The following GALK2 variants were observed in gnomAD, a reference collection of about 807,000 sequenced individuals.
GALK2 encodes N-acetylgalactosamine kinase.
GALK2 carries 36 observed loss-of-function variants against 52.4 expected under a neutral mutation model. That is an observed-to-expected ratio of 0.69 (90% CI 0.53 to 0.91). The LOEUF is 0.91. Ranked by LOEUF, GALK2 falls within the 40% of genes least tolerant of loss-of-function variation. The pLI, the probability that GALK2 is intolerant of heterozygous loss-of-function variation, is 0.00. For synonymous variants in GALK2, 176 were observed against 199.1 expected (o/e 0.88, Z 0.98); for missense variants, 579 against 559.1 (o/e 1.04, Z -0.36).
chr15:49,264,362 C>T (rs866411039), intron 5 of GALK2, among the ~76,000 whole-genome samples: 1 of 152,160 alleles, frequency 6.6e-6, no homozygotes, highest in Non-Finnish European at 1.5e-5. Context: ...TTGATCGCAT[C>T]GGCTCCTGAG....
intron 4 of GALK2, 149 bp downstream of exon 4, chr15:49,236,090 G>A: frequency 1.6e-6 from 1 of 623,540 alleles, no homozygotes; most frequent in Middle Eastern, 4.4e-4. Context: ...CAGAGAGTGG[G>A]GAAGATATGA....
Position 49,319,699 on chromosome 15 carries a change from A to G in GALK2, c.1063A>G (p.Asn355Asp). ...FKKICEEAPE[N>D]MVQLLGELMN... is the part of the protein sequence containing the mutation. The stretch of plus-strand genomic sequence containing the variant: ...GAAGATATGTGAAGAAGCACCTGAA[A>G]ACATGGTCCAGCTGCTGGGAGAGTT... The change falls in exon 9 of 10, where the codon AAC becomes GAC. Residue 355 changes from asparagine (N) to aspartate (D), a missense_variant. Asn to Asp is a conservative substitution (Grantham distance 23). Transcript: ENST00000560031. 2 of 1,614,134 alleles carry G rather than the reference A, an allele frequency of 1.2e-6. No individual in the cohort carries two copies. Among genetic ancestry groups the G allele is most frequent in the Non-Finnish European group, 1.7e-6 (2 of 1,180,012 alleles).
Position 49,246,254 on chromosome 15 carries a change from T to A in GALK2, c.504+6887T>A, listed in dbSNP as rs983296225. ...CCAAGAAGAAAGGACCAAGTGCCTC[T>A]TAGGAATCTTAGAATAGAAATAGCT... On this transcript the variant is annotated intron_variant, in intron 5 of 9. Coordinates refer to ENST00000560031, the MANE Select transcript of GALK2 (RefSeq NM_002044.4). 1.0e-3 allele frequency among the ~76,000 whole-genome samples: 155 copies of A among 152,322 alleles called. 1 individual carries two copies. Among genetic ancestry groups the A allele is most frequent in the African/African-American group, 3.4e-3 (142 of 41,576 alleles).
At chr15:49,297,495 C>G (rs144921907) in intron 8 of GALK2, among the ~76,000 whole-genome samples, 1 of 152,174 alleles carries the variant, frequency 6.6e-6, no homozygotes, top group African/African-American at 2.4e-5. Flanking sequence ...ATCATGAAAT[C>G]TTTGTCAAGT....
chr15:49,156,621 A>G, intron 1 of GALK2: 1 of 522,530 alleles, frequency 1.9e-6, no homozygotes. Context: ...AAAGGCCATC[A>G]CTTTGATATG....
chr15:49,283,078 G>A (rs2032923146), intron 6 of GALK2, among the ~76,000 whole-genome samples: 1 of 152,082 alleles, frequency 6.6e-6, no homozygotes, highest in Admixed American at 6.6e-5. Flanking sequence ...TTCCATGCCC[G>A]TAGCTCCATT....
At chr15:49,274,755 T>A (rs28823584) in intron 5 of GALK2, among the ~76,000 whole-genome samples, 3 of 152,300 alleles carry the variant, frequency 2.0e-5, no homozygotes, top group Non-Finnish European at 4.4e-5. Flanking sequence ...ATTTTTAAAA[T>A]TTTTTAATTT....
intron 3 of GALK2, among the ~76,000 whole-genome samples, chr15:49,363,690 T>C (rs1481337287): frequency 2.0e-5 from 3 of 152,134 alleles, no homozygotes; most frequent in Non-Finnish European, 4.4e-5. Context: ...GTGGGTATCC[T>C]TGTCTTGTTC....
chr15:49,297,928 A>G (rs903115428), intron 8 of GALK2, among the ~76,000 whole-genome samples: 2 of 149,042 alleles, frequency 1.3e-5, no homozygotes, highest in African/African-American at 2.5e-5. Flanking sequence ...GAATTTTTGA[A>G]TTTTTTTTTT....
rs1015026740 is a variant in GALK2, at chr15:49,191,293, A to T, written c.54-9869A>T. Among the ~76,000 whole-genome samples, 4 of 152,146 alleles carry T rather than the reference A, an allele frequency of 2.6e-5. No individual in the cohort carries two copies. In the East Asian group the frequency reaches 7.7e-4, roughly 29 times the overall value. On this transcript the variant is annotated intron_variant, in intron 1 of 9. Coordinates refer to ENST00000560031, the MANE Select transcript of GALK2 (RefSeq NM_002044.4). ...GGGAACTTTATTGTTACGCTGACTG[A>T]GACTGGTCTGTTTGGGAAATTTGGC...
At chr15:49,297,301 T>A (rs1409355337) in intron 8 of GALK2, among the ~76,000 whole-genome samples, 3 of 152,182 alleles carry the variant, frequency 2.0e-5, no homozygotes, top group Non-Finnish European at 4.4e-5. Flanking sequence ...TGTTGATTTG[T>A]TTACCTTTTT....
chr15:49,181,021 ATCCTTCCT>A (rs138715818), intron 1 of GALK2, among the ~76,000 whole-genome samples: 40 of 124,940 alleles, frequency 3.2e-4, no homozygotes, highest in South Asian at 3.1e-3. Context: ...TGCTAGACCA[ATCCTTCCT>A]TCCTTCCTTC....
intron 1 of GALK2, among the ~76,000 whole-genome samples, chr15:49,188,208 C>T (rs2086494313): frequency 6.6e-6 from 1 of 152,170 alleles, no homozygotes. Context: ...TCAGGGTTTA[C>T]AGCCTTATAA....
At chr15:49,217,098 T>C in intron 2 of GALK2, 92 bp from the exon 3 acceptor site, 1 of 1,085,162 alleles carries the variant, frequency 9.2e-7, no homozygotes, top group Non-Finnish European at 1.3e-6. Flanking sequence ...AAAACCTGGC[T>C]CATGGTCAGT....
intron 3 of GALK2, among the ~76,000 whole-genome samples, chr15:49,361,289 T>C (rs1455246725): frequency 1.3e-5 from 2 of 152,168 alleles, no homozygotes; most frequent in Admixed American, 6.5e-5. Context: ...TGTGGAGGTT[T>C]GTTACATAGG....
chr15:49,322,559 G>A (rs1055419053), intron 9 of GALK2, among the ~76,000 whole-genome samples: 1 of 152,204 alleles, frequency 6.6e-6, no homozygotes, highest in Non-Finnish European at 1.5e-5. Context: ...GGGGAATTAA[G>A]TTGATGCAGG....
chr15:49,267,683 T>G (rs1353785753), intron 5 of GALK2, among the ~76,000 whole-genome samples: 1 of 152,226 alleles, frequency 6.6e-6, no homozygotes, highest in Non-Finnish European at 1.5e-5. Context: ...GTTCTTTATT[T>G]CCTCCTTTTC....
chr15:49,231,856 C>T (rs2090519918), intron 3 of GALK2, among the ~76,000 whole-genome samples: 1 of 152,248 alleles, frequency 6.6e-6, no homozygotes, highest in Non-Finnish European at 1.5e-5. Context: ...GGAAGCTGCA[C>T]CTCTGAGGCT....
chr15:49,274,595 T>C (rs1256474850), intron 5 of GALK2, among the ~76,000 whole-genome samples: 1 of 152,154 alleles, frequency 6.6e-6, no homozygotes, highest in Non-Finnish European at 1.5e-5. Flanking sequence ...AGTAATAAAC[T>C]AACCTTAGCT....
Sources: gnomAD v4.1 joint callset for allele counts (sites outside exome capture counted in the v4.1 genomes callset) on GRCh38, gnomAD v4.1.1 for gene constraint, MANE v1.5 for transcripts, NCBI Gene and HGNC (gene_info 2026-07-23, HGNC 2026-07-21) for gene names.